Variants in ATIC observed in about 807,000 individuals in gnomAD.
ATIC encodes bifunctional purine biosynthesis protein ATIC.
In ATIC, 64 loss-of-function variants were observed where a neutral mutation model predicts 72.5. The observed-to-expected ratio is 0.88, with a 90% confidence interval of 0.72 to 1.09. ATIC has a LOEUF of 1.09. Ranked by LOEUF, ATIC falls within the 50% of genes least tolerant of loss-of-function variation. The probability of loss-of-function intolerance (pLI) is 0.00; values close to 1 mark genes in which losing one functional copy is unlikely to be tolerated. For missense variants in ATIC, 787 were observed against 732.4 expected (o/e 1.07, Z -0.86); for synonymous variants, 281 against 267.1 (o/e 1.05, Z -0.51).
At position 215,326,928 on chromosome 2, in the gene ATIC, A is replaced by G; in HGVS notation, c.638A>G (p.His213Arg). 1 of 1,614,190 alleles carries G rather than the reference A, an allele frequency of 6.2e-7. No individual in the cohort carries two copies. Among genetic ancestry groups the G allele is most frequent in the South Asian group, 1.1e-5 (1 of 91,078 alleles). Residue 213 changes from histidine to arginine, a missense_variant, in exon 7 of 16, where the codon CAT (histidine) becomes CGT (arginine). Physicochemically the swap from His to Arg is conservative, Grantham distance 29 (BLOSUM62 0). Transcript: ENST00000236959. ...QMPLRYGMNP[H>R]QTPAQLYTLQ... Reference sequence around the variant, plus strand: ...CCCTTGAGATATGGAATGAACCCACATCAGACCCCTGCCCAGCTGTACACA... The same window carrying G: ...CCCTTGAGATATGGAATGAACCCACGTCAGACCCCTGCCCAGCTGTACACA...
chr2:215,359,794 T>C, the ATIC span, among the ~76,000 whole-genome samples: 2 of 152,196 alleles, frequency 1.3e-5, no homozygotes, highest in Admixed American at 6.5e-5. Context: ...TTAATATTCT[T>C]TGCCAGGTGT....
At chr2:215,339,432 C>CATGA (rs2052993438) in intron 12 of ATIC, among the ~76,000 whole-genome samples, 1 of 152,078 alleles carries the variant, frequency 6.6e-6, no homozygotes. Context: ...GAGAGGATTG[C>CATGA]ATGAGTCTGG....
intron 12 of ATIC, among the ~76,000 whole-genome samples, chr2:215,341,468 A>C (rs1294794232): frequency 6.6e-6 from 1 of 152,168 alleles, no homozygotes; most frequent in Non-Finnish European, 1.5e-5. Flanking sequence ...CGTTTATCTA[A>C]ACTCTTTCCT....
intron 2 of ATIC, among the ~76,000 whole-genome samples, chr2:215,312,970 G>T (rs539270144): frequency 2.6e-4 from 40 of 152,152 alleles, no homozygotes; most frequent in Admixed American, 1.3e-3. Flanking sequence ...GGTGGCACAC[G>T]CCTGTAATCC....
At position 215,346,938 on chromosome 2, in the gene ATIC, C is replaced by T. The variant is rs746588791; in HGVS notation, c.1500C>T (p.Gly500=). The T allele has an allele frequency of 4.8e-5, 78 of 1,613,956 alleles. No homozygotes were observed. Among genetic ancestry groups the T allele is most frequent in the African/African-American group, 6.7e-5 (5 of 74,894 alleles). ...AIDQYVTGTI[G]EDEDLIKWKA... is the part of the protein sequence containing the mutation. ...ATCAATATGTGACTGGAACCATTGG[C>T]GAGGTGAAAGACTTGGCATTGGGTT... The change falls in exon 14 of 16, where the codon GGC becomes GGT. Residue 500 remains glycine, a synonymous_variant. Coordinates refer to ENST00000236959, the MANE Select transcript of ATIC (RefSeq NM_004044.7).
downstream of ATIC, among the ~76,000 whole-genome samples, chr2:215,350,805 G>A (rs1300675603): frequency 1.3e-5 from 2 of 152,108 alleles, no homozygotes; most frequent in Non-Finnish European, 2.9e-5. Flanking sequence ...GACCATTCCC[G>A]TGCATTGCAC....
the ATIC span, chr2:215,365,714 A>G: frequency 2.3e-6 from 3 of 1,315,612 alleles, no homozygotes; most frequent in African/African-American, 4.4e-5. Context: ...GACGTGTCAC[A>G]GGGTCTTCAG....
chr2:215,348,826 T>G (rs1207998734), intron 14 of ATIC: 3 of 309,214 alleles, frequency 9.7e-6, no homozygotes, highest in African/African-American at 6.8e-5. Context: ...GGTGTGGTGG[T>G]GTGCACTTGT....
chr2:215,319,821 A>C, intron 4 of ATIC, 90 bp downstream of exon 4: 1 of 1,093,576 alleles, frequency 9.1e-7, no homozygotes, highest in Non-Finnish European at 1.4e-6. Context: ...CTTACTCACT[A>C]TAAACCTTTA....
intron 1 of ATIC, 134 bp downstream of exon 1, chr2:215,312,295 C>G (rs1305890072): frequency 1.4e-6 from 2 of 1,441,712 alleles, no homozygotes; most frequent in Non-Finnish European, 9.2e-7. Flanking sequence ...CCCCGCTCCC[C>G]GGCCGGGCCG....
chr2:215,344,181 T>C (rs1270605772), intron 12 of ATIC, among the ~76,000 whole-genome samples: 1 of 152,248 alleles, frequency 6.6e-6, no homozygotes, highest in Non-Finnish European at 1.5e-5. Flanking sequence ...ATGGATATGG[T>C]AGTTCTTACC....
At position 215,319,703 on chromosome 2, in the gene ATIC, A is replaced by AT. The variant is rs752911895; in HGVS notation, c.263dup (p.Met88IlefsTer5). ...TAATATTCCAGAAGATAATGCTGACATGGCCAGACTTGATTTCAATCTTAT... is the reference window on the plus strand; with the variant it reads ...TAATATTCCAGAAGATAATGCTGACATTGGCCAGACTTGATTTCAATCTTAT... On this transcript the variant is annotated frameshift_variant, in exon 4 of 16. Coordinates refer to ENST00000236959, the MANE Select transcript of ATIC (RefSeq NM_004044.7). LOFTEE classifies it high-confidence loss of function. 2.5e-6 allele frequency: 4 copies of AT among 1,611,838 alleles called. No individual in the cohort carries two copies. The highest frequency in any genetic ancestry group is 3.4e-6 in the Non-Finnish European group (4 of 1,178,098).
chr2:215,360,659 G>A, the ATIC span: 1 of 152,400 alleles, frequency 6.6e-6, no homozygotes, highest in Non-Finnish European at 1.5e-5. Flanking sequence ...AAAGCAGAAA[G>A]TGTAAAGCTA....
the ATIC span, chr2:215,365,463 G>C: frequency 6.2e-7 from 1 of 1,600,332 alleles, no homozygotes; most frequent in Non-Finnish European, 8.6e-7. Context: ...ATGAAAGTGA[G>C]AATGCTTAAT....
intron 2 of ATIC, among the ~76,000 whole-genome samples, chr2:215,315,421 A>G (rs914519541): frequency 3.9e-5 from 6 of 152,138 alleles, no homozygotes; most frequent in African/African-American, 1.4e-4. Context: ...CAGTGGCACA[A>G]TCATGGCTAA....
intron 7 of ATIC, among the ~76,000 whole-genome samples, chr2:215,329,714 C>G (rs867225604): frequency 6.6e-6 from 1 of 152,038 alleles, no homozygotes; most frequent in African/African-American, 2.4e-5. Context: ...CTGGCACTTT[C>G]TATTTCAGTT....
At chr2:215,333,498 A>G in intron 9 of ATIC, 41 bp downstream of exon 9, 1 of 1,530,012 alleles carries the variant, frequency 6.5e-7, no homozygotes, top group South Asian at 1.1e-5. Flanking sequence ...GAGAAAGAAA[A>G]AGCAATATTT....
Position 215,333,337 on chromosome 2 carries a change from ATT to A in ATIC, c.815-10_815-9del. The A allele has an allele frequency of 2.5e-6, 4 of 1,611,494 alleles. No individual in the cohort carries two copies. ...AGCTTTCTTTGTTTATGATTTTACT[ATT>A]TTCTAACCAGGTGCTGCTGTTGGAA... On this transcript the variant is annotated splice_polypyrimidine_tract_variant and intron_variant, in intron 8 of 15. Transcript: ENST00000236959.
intron 2 of ATIC, among the ~76,000 whole-genome samples, chr2:215,315,673 G>T (rs1259429246): frequency 6.6e-6 from 1 of 152,184 alleles, no homozygotes; most frequent in African/African-American, 2.4e-5. Flanking sequence ...GGTTCTGGCT[G>T]GGCGCAGTGG....
Sources: allele counts gnomAD v4.1 joint callset (sites outside exome capture counted in the v4.1 genomes callset), GRCh38; gene constraint gnomAD v4.1.1; transcripts MANE v1.5; gene names NCBI Gene and HGNC (gene_info 2026-07-23, HGNC 2026-07-21).